ITSN1: variants seen among roughly 807,000 people sequenced by gnomAD.
ITSN1 encodes intersectin-1.
ITSN1 carries 58 observed loss-of-function variants against 239.8 expected under a neutral mutation model. That is an observed-to-expected ratio of 0.24 (90% CI 0.20 to 0.30). The LOEUF (loss-of-function observed/expected upper bound fraction) is 0.30, where lower values mean the gene tolerates loss of function less well. ITSN1 is among the 10% of genes least tolerant of loss of function. The pLI is 1.00. For synonymous variants in ITSN1, 780 were observed against 770.8 expected, an observed-to-expected ratio of 1.01 and a Z score of -0.20; for missense variants, 1,558 against 2,103.3, an observed-to-expected ratio of 0.74 and a Z score of 5.07.
intron 24 of ITSN1, 90 bp from the exon 25 acceptor site, chr21:33,823,397 T>G: frequency 8.6e-7 from 1 of 1,159,992 alleles, no homozygotes; most frequent in Non-Finnish European, 1.3e-6. Context: ...TGTCCTAACT[T>G]CCTTATTCGT....
intron 22 of ITSN1, among the ~76,000 whole-genome samples, chr21:33,815,978 T>C (rs2073241051): frequency 6.6e-6 from 1 of 151,924 alleles, no homozygotes; most frequent in African/African-American, 2.4e-5. Flanking sequence ...AATCAGGAGT[T>C]CGTGTCCAGC....
intron 29 of ITSN1, among the ~76,000 whole-genome samples, chr21:33,856,276 TAACA>T (rs564993913): frequency 6.4e-4 from 98 of 152,314 alleles, no homozygotes; most frequent in Non-Finnish European, 1.3e-3. Flanking sequence ...TAGGGTGCCC[TAACA>T]AACGACCACA....
intron 1 of ITSN1, among the ~76,000 whole-genome samples, chr21:33,702,559 T>A (rs1401364783): frequency 6.6e-6 from 1 of 152,232 alleles, no homozygotes; most frequent in Non-Finnish European, 1.5e-5. Flanking sequence ...ACTTTAGACA[T>A]TTTATTCCAC....
At chr21:33,729,552 A>G (rs2066039942) in intron 4 of ITSN1, among the ~76,000 whole-genome samples, 1 of 152,226 alleles carries the variant, frequency 6.6e-6, no homozygotes, top group South Asian at 2.1e-4. Flanking sequence ...TTATTTTGCT[A>G]AAGTTAAGGA....
chr21:33,689,434 T>TG (rs888406493), intron 1 of ITSN1: 1 of 152,074 alleles, frequency 6.6e-6, no homozygotes. Context: ...CAGCACTTTT[T>TG]GGGAGCTGAG....
chr21:33,823,855 A>G (rs1032863591), intron 25 of ITSN1, among the ~76,000 whole-genome samples: 3 of 152,148 alleles, frequency 2.0e-5, no homozygotes, highest in African/African-American at 7.2e-5. Flanking sequence ...GAATGCCATC[A>G]GGGCTAAGTG....
rs79135960 is a variant in ITSN1 at position 33,737,086 on chromosome 21, G to A, written c.346+1882G>A. ...GTGGAGAAAAGGTCAAATGACTAGA[G>A]GCACCCCATTTCTCCTTTTTCTCTC... On this transcript the variant is annotated intron_variant, in intron 5 of 39. Coordinates refer to ENST00000381318, the MANE Select transcript of ITSN1 (RefSeq NM_003024.3). Among the ~76,000 whole-genome samples, 23 of 152,280 alleles carry A rather than the reference G, an allele frequency of 1.5e-4. No individual in the cohort carries two copies. In the East Asian group the frequency reaches 4.2e-3, roughly 28 times the overall value.
chr21:33,772,924 G>A (rs548798591), intron 12 of ITSN1, among the ~76,000 whole-genome samples: 18 of 151,888 alleles, frequency 1.2e-4, no homozygotes, highest in African/African-American at 2.4e-4. Context: ...TTTATATGGC[G>A]GAGAGTGTAA....
chr21:33,801,907 G>C (rs2072034124), intron 19 of ITSN1, among the ~76,000 whole-genome samples: 1 of 152,160 alleles, frequency 6.6e-6, no homozygotes, highest in Non-Finnish European at 1.5e-5. Context: ...ACCACCTGCT[G>C]TTTCCTACAC....
chr21:33,676,290 C>A (rs993194985), intron 1 of ITSN1, among the ~76,000 whole-genome samples: 3 of 152,122 alleles, frequency 2.0e-5, no homozygotes, highest in African/African-American at 7.2e-5. Context: ...TCCTGATTTT[C>A]CATTTTTAAG....
At chr21:33,794,044 TGAGCCTTTAGCAGCA>T (rs2071348257) in intron 16 of ITSN1, among the ~76,000 whole-genome samples, 2 of 152,238 alleles carry the variant, frequency 1.3e-5, no homozygotes, top group South Asian at 4.1e-4. Context: ...TTATGATTGC[TGAGCCTTTAGCAGCA>T]GAGCTCACCT....
rs114720670 is a variant in ITSN1, at chr21:33,695,440, G to A, written c.-32-23357G>A. On this transcript the variant is annotated intron_variant, in intron 1 of 39. Transcript: ENST00000381318. ...AATGTTATTCAGTGAAGTACATATT[G>A]AATGTGTGAACTTTTCTTCAGTAAC... Among the ~76,000 whole-genome samples, 340 of 152,322 alleles carry A rather than the reference G, an allele frequency of 2.2e-3. 1 individual carries two copies. Among genetic ancestry groups the A allele is most frequent in the African/African-American group, 8.0e-3 (331 of 41,564 alleles).
chr21:33,808,004 T>G (rs966181530), intron 20 of ITSN1, among the ~76,000 whole-genome samples: 3 of 150,536 alleles, frequency 2.0e-5, no homozygotes, highest in African/African-American at 7.3e-5. Context: ...GCTAACAAGG[T>G]GAAACCCCGT....
chr21:33,752,007 A>C (rs1215107243), intron 7 of ITSN1, 101 bp downstream of exon 7: 1 of 815,662 alleles, frequency 1.2e-6, no homozygotes, highest in Admixed American at 2.5e-5. Context: ...TGTTGTTGTC[A>C]TCTTTTTTGT....
intron 15 of ITSN1, 152 bp downstream of exon 15, chr21:33,781,700 T>G: frequency 1.7e-6 from 1 of 585,804 alleles, no homozygotes; most frequent in South Asian, 2.3e-5. Flanking sequence ...TGCCTCAGCC[T>G]CCCAAGTAGC....
At chr21:33,754,182 A>G (rs2067760182) in intron 7 of ITSN1, 1 of 152,108 alleles carries the variant, frequency 6.6e-6, no homozygotes, top group Non-Finnish European at 1.5e-5. Context: ...AGTTAACATG[A>G]GAGGGTTGGT....
chr21:33,694,992 T>TA (rs1164384035), intron 1 of ITSN1, among the ~76,000 whole-genome samples: 1 of 152,288 alleles, frequency 6.6e-6, no homozygotes, highest in Admixed American at 6.5e-5. Flanking sequence ...TTGTTTTTTT[T>TA]ATTTGTAGAG....
Position 33,882,193 on chromosome 21 carries a change from A to G in ITSN1, c.4342-50A>G, listed in dbSNP as rs780944528. 2 of 1,526,538 alleles carry G rather than the reference A, an allele frequency of 1.3e-6. No homozygotes were observed. The highest frequency in any genetic ancestry group is 1.8e-6 in the Non-Finnish European group (2 of 1,109,854). The allele number at this position is 1,526,538 out of a possible 1,614,324, so 94.6% of individuals were successfully genotyped here. ...ATTCTGATGGAGCCCATGCTTTCAG[A>G]TGCGGAGAAACAAAAATGCTACACT... On this transcript the variant is annotated intron_variant, in intron 34 of 39. Transcript: ENST00000381318. This position sits in a 1 kb window ranked among gnomAD's most constrained non-coding sequence, Gnocchi z 4.5.
At chr21:33,695,234 A>G (rs1441224394) in intron 1 of ITSN1, among the ~76,000 whole-genome samples, 2 of 152,250 alleles carry the variant, frequency 1.3e-5, no homozygotes, top group East Asian at 3.8e-4. Flanking sequence ...TTAATATCAG[A>G]TATCTGTATT....
Sources: allele counts gnomAD v4.1 joint callset (sites outside exome capture counted in the v4.1 genomes callset), GRCh38; gene constraint gnomAD v4.1.1; non-coding constraint Gnocchi (gnomAD v3.1); transcripts MANE v1.5; gene names NCBI Gene and HGNC (gene_info 2026-07-23, HGNC 2026-07-21).